DRICH1: variants seen among roughly 807,000 people sequenced by gnomAD.
DRICH1 encodes aspartate rich 1, also known as aspartate-rich protein 1.
Under a neutral mutation model 39.5 loss-of-function variants are expected in DRICH1, and 38 were observed. The observed-to-expected ratio is 0.96, with a 90% CI of 0.74 to 1.26. The LOEUF (loss-of-function observed/expected upper bound fraction) is 1.26, where lower values mean the gene tolerates loss of function less well. Among genes scored for constraint, DRICH1 ranks in the 50% most tolerant of loss-of-function variants. The pLI is 0.00. For missense variants in DRICH1, 279 were observed against 270.4 expected (o/e 1.03, Z -0.22); for synonymous variants, 84 against 99.5 (o/e 0.84, Z 0.93).
chr22:23,593,977 C>CA, the DRICH1 span, among the ~76,000 whole-genome samples: 62 of 89,054 alleles, frequency 7.0e-4, no homozygotes, highest in African/African-American at 2.2e-3. Flanking sequence ...GACTCTGTCT[C>CA]AAAAAAAAAA....
intron 1 of DRICH1, among the ~76,000 whole-genome samples, chr22:23,626,646 CAAG>C (rs1928081701): frequency 6.6e-6 from 1 of 152,160 alleles, no homozygotes; most frequent in Non-Finnish European, 1.5e-5. Context: ...AAAAACTCTG[CAAG>C]AAGTTATTCC....
At chr22:23,604,356 C>T (rs974124796), downstream of DRICH1, among the ~76,000 whole-genome samples, 1 of 152,154 alleles carries the variant, frequency 6.6e-6, no homozygotes, top group African/African-American at 2.4e-5. Context: ...GTCACTCATC[C>T]TCTGTGGAGA....
Position 23,608,773 on chromosome 22 carries a change from A to G in DRICH1, c.686-5T>C. 1 of 1,560,412 alleles carries G rather than the reference A, an allele frequency of 6.4e-7. No homozygotes were observed. Among genetic ancestry groups the G allele is most frequent in the Non-Finnish European group, 8.7e-7 (1 of 1,150,792 alleles). ...GCTCCACAGAAGGGCTTCACCCTGG[A>G]TGAAGAGATAATCCCTTTTTAGTGA... On this transcript the variant is annotated splice_polypyrimidine_tract_variant and splice_region_variant and intron_variant, in intron 11 of 11. Transcript: ENST00000317749.
At chr22:23,631,345 G>A (rs1928371677) in intron 1 of DRICH1, among the ~76,000 whole-genome samples, 1 of 151,870 alleles carries the variant, frequency 6.6e-6, no homozygotes. Flanking sequence ...GAACCCAGGA[G>A]GCAGAGGTTG....
chr22:23,598,656 G>C, the DRICH1 span, among the ~76,000 whole-genome samples: 8 of 152,190 alleles, frequency 5.3e-5, no homozygotes. Flanking sequence ...GGTGGCCATC[G>C]GGCTCTGTAG....
chr22:23,581,974 A>G, the DRICH1 span, among the ~76,000 whole-genome samples: 1 of 150,434 alleles, frequency 6.6e-6, no homozygotes, highest in Non-Finnish European at 1.5e-5. Context: ...AACCATCACC[A>G]CCATCCATTT....
At chr22:23,617,747 G>A (rs1304597479) in intron 6 of DRICH1, 90 bp from the exon 7 acceptor site, 1 of 1,281,344 alleles carries the variant, frequency 7.8e-7, no homozygotes, top group East Asian at 2.3e-5. Flanking sequence ...ATATGGAGGT[G>A]GTTGATTAAC....
At chr22:23,594,450 A>G in the DRICH1 span, among the ~76,000 whole-genome samples, 1 of 152,178 alleles carries the variant, frequency 6.6e-6, no homozygotes, top group Non-Finnish European at 1.5e-5. Flanking sequence ...AGTGCCTGTA[A>G]TCCCAGCTAC....
chr22:23,597,295 C>G, the DRICH1 span, among the ~76,000 whole-genome samples: 1 of 149,152 alleles, frequency 6.7e-6, no homozygotes, highest in Non-Finnish European at 1.5e-5. Flanking sequence ...AGTTTGAGAC[C>G]AGCCTGGGCA....
chr22:23,621,995 G>T, intron 4 of DRICH1, 96 bp downstream of exon 4: 1 of 1,082,892 alleles, frequency 9.2e-7, no homozygotes, highest in Non-Finnish European at 1.4e-6. Flanking sequence ...GTTGTTTATA[G>T]CTCCCTGAGT....
At chr22:23,590,366 C>T in the DRICH1 span, among the ~76,000 whole-genome samples, 3 of 151,528 alleles carry the variant, frequency 2.0e-5, no homozygotes, top group African/African-American at 4.9e-5. Flanking sequence ...CAACCTCCAC[C>T]TCTTGGGTTC....
At chr22:23,608,903 C>T in intron 11 of DRICH1, 135 bp from the exon 12 acceptor site, 1 of 963,250 alleles carries the variant, frequency 1.0e-6, no homozygotes, top group Non-Finnish European at 1.6e-6. Flanking sequence ...GGAGAAATTA[C>T]AGATGCGGAA....
At chr22:23,616,899 T>C (rs375305188) in intron 7 of DRICH1, 25 bp from the exon 8 acceptor site, 3 of 1,613,668 alleles carry the variant, frequency 1.9e-6, no homozygotes, top group Non-Finnish European at 2.5e-6. Context: ...AAGAAGATGC[T>C]GTAAGGATCA....
downstream of DRICH1, among the ~76,000 whole-genome samples, chr22:23,603,539 C>T (rs145092196): frequency 2.6e-5 from 4 of 152,256 alleles, no homozygotes; most frequent in African/African-American, 7.2e-5. Context: ...AGGATAAAGG[C>T]GGGCCACAAG....
chr22:23,596,836 G>C, the DRICH1 span, among the ~76,000 whole-genome samples: 1 of 152,132 alleles, frequency 6.6e-6, no homozygotes, highest in Non-Finnish European at 1.5e-5. Context: ...TCTGTATTCT[G>C]TGAGTCTGTT....
the DRICH1 span, among the ~76,000 whole-genome samples, chr22:23,596,259 GTCCCCT>G: frequency 1.3e-5 from 2 of 151,712 alleles, no homozygotes; most frequent in South Asian, 2.1e-4. Context: ...TTCAAAGGTT[GTCCCCT>G]TCCTCTTCCC....
intron 2 of DRICH1, 22 bp from the exon 3 acceptor site, chr22:23,624,926 T>C (rs761357808): frequency 3.3e-5 from 54 of 1,612,638 alleles, no homozygotes; most frequent in Non-Finnish European, 4.5e-5. Context: ...CAAAAGAAGA[T>C]GCTATGAGGA....
chr22:23,624,556 C>T (rs920452639), intron 3 of DRICH1, among the ~76,000 whole-genome samples: 33 of 152,090 alleles, frequency 2.2e-4, no homozygotes, highest in African/African-American at 8.0e-4. Flanking sequence ...TTGTTACCTA[C>T]CTGAAAAAGC....
chr22:23,608,891 GAGGAGAAATTA>G, intron 11 of DRICH1, 123 bp from the exon 12 acceptor site: 2 of 1,069,704 alleles, frequency 1.9e-6, no homozygotes, highest in Non-Finnish European at 2.8e-6. Context: ...AGTCCAGGCT[GAGGAGAAATTA>G]CAGATGCGGA....
Sources: allele counts gnomAD v4.1 joint callset (sites outside exome capture counted in the v4.1 genomes callset), GRCh38; gene constraint gnomAD v4.1.1; transcripts MANE v1.5; gene names NCBI Gene and HGNC (gene_info 2026-07-23, HGNC 2026-07-21).